Variants in SCART1 observed in about 807,000 individuals in gnomAD.
SCART1 encodes the protein scavenger receptor family member expressed on T cells 1.
In SCART1, 62 loss-of-function variants were observed where a neutral mutation model predicts 36.2. That is an observed-to-expected ratio of 1.71 (90% CI 1.40 to 2.12). The LOEUF (loss-of-function observed/expected upper bound fraction) is 2.12, where lower values mean the gene tolerates loss of function less well. Ranked by LOEUF, SCART1 falls within the 30% of genes most tolerant of loss-of-function variation. The probability of loss-of-function intolerance (pLI) is 0.00; values close to 1 mark genes in which losing one functional copy is unlikely to be tolerated. For synonymous variants in SCART1, 487 were observed against 238.7 expected (o/e 2.04, Z -9.59); for missense variants, 1,041 against 540.5 (o/e 1.93, Z -9.18).
At chr10:133,464,822 A>G in exon 7 of SCART1, 1 of 702,822 alleles carries the variant, frequency 1.4e-6, no homozygotes. Context: ...CTGGGTGGAC[A>G]ACATCGAGTG....
At chr10:133,467,704 T>C (rs1850778665) in intron 11 of SCART1, 143 bp from the exon 12 acceptor site, 1 of 550,030 alleles carries the variant, frequency 1.8e-6, no homozygotes, top group Non-Finnish European at 3.3e-6. Flanking sequence ...CTTGGGGTGC[T>C]TCAATGTCAG....
At position 133,459,140 on chromosome 10, in the gene SCART1, C is replaced by T. The variant is rs770149410; in HGVS notation, c.1099C>T (p.His367Tyr). The change falls in exon 5 of 12, where the codon CAC becomes TAC. Residue 367 changes from histidine to tyrosine, a missense_variant. By Grantham distance (83) the His-to-Tyr change is moderately conservative. Transcript: ENST00000640237. ...CATAGCAGATGCCACCGTCCTCTGC[C>T]ACCAGCTCAACTGTGGCAACGCGGT... 5.1e-5 allele frequency: 36 copies of T among 702,828 alleles called. No homozygotes were observed. In the Admixed American group the frequency reaches 6.8e-4, roughly 13 times the overall value. 43.5% of individuals were successfully genotyped at this position (702,828 alleles called of 1,614,324 possible). A position where few individuals can be genotyped will look rare whatever the true frequency, so the allele number is the denominator to read the frequency against.
exon 4 of SCART1, chr10:133,458,386 G>A (rs777390641): frequency 1.4e-5 from 10 of 702,626 alleles, no homozygotes; most frequent in Middle Eastern, 2.3e-4. Flanking sequence ...ACTGGTGGGC[G>A]GCGAGCACCC....
chr10:133,460,389 A>T (rs1589935093), intron 6 of SCART1, among the ~76,000 whole-genome samples: 1 of 151,188 alleles, frequency 6.6e-6, no homozygotes, highest in Admixed American at 6.6e-5. Context: ...TTCCTGTCGC[A>T]GGTTGGCCCT....
chr10:133,468,738 G>A (rs1394368386), exon 12 of SCART1: 1 of 152,132 alleles, frequency 6.6e-6, no homozygotes, highest in African/African-American at 2.4e-5. Flanking sequence ...TAAGATGATA[G>A]ATGATTGATT....
exon 12 of SCART1, chr10:133,469,149 CAT>C (rs1449177241): frequency 2.0e-5 from 3 of 152,018 alleles, no homozygotes; most frequent in East Asian, 1.9e-4. Flanking sequence ...AACTTTTTTT[CAT>C]ATGTTTGTTG....
chr10:133,464,900 C>G lies in SCART1; in HGVS notation c.2264C>G (p.Pro755Arg), dbSNP rs1168693820. 4.3e-6 allele frequency: 3 copies of G among 702,922 alleles called. No individual in the cohort carries two copies. In the East Asian group the frequency reaches 8.0e-5, roughly 19 times the overall value. The allele number at this position is 702,922 out of a possible 1,614,324, so 43.5% of individuals were successfully genotyped here. A position where few individuals can be genotyped will look rare whatever the true frequency, so the allele number is the denominator to read the frequency against. ...CCCATGGCACCCGCACTCTTGCGAC[C>G]TTCGAGAGCAGGTCTGGATTACCTG... The change falls in exon 7 of 12, where the codon CCT (proline) becomes CGT (arginine). Residue 755 changes from proline to arginine, a missense_variant. Physicochemically the swap from Pro to Arg is moderately radical, Grantham distance 103. Coordinates refer to ENST00000640237, the Ensembl canonical transcript of SCART1.
exon 9 of SCART1, chr10:133,465,286 C>A (rs766155335): frequency 2.6e-5 from 18 of 683,964 alleles, no homozygotes; most frequent in Non-Finnish European, 2.7e-6. Context: ...GGGCGAGGAC[C>A]GCTGCTCCGG....
chr10:133,454,173 TCTCA>T, intron 1 of SCART1, 109 bp downstream of exon 1: 1 of 688,510 alleles, frequency 1.5e-6, no homozygotes, highest in Non-Finnish European at 2.7e-6. Context: ...TCTGCCTGGG[TCTCA>T]CTCAGCCCAG....
intron 7 of SCART1, 94 bp downstream of exon 7, chr10:133,465,005 A>C: frequency 1.4e-6 from 1 of 700,186 alleles, no homozygotes; most frequent in Non-Finnish European, 2.6e-6. Flanking sequence ...AGGGGATGCC[A>C]TTCAATCAGA....
intron 6 of SCART1, among the ~76,000 whole-genome samples, chr10:133,460,982 T>C (rs918346780): frequency 2.0e-5 from 3 of 152,004 alleles, no homozygotes; most frequent in Non-Finnish European, 2.9e-5. Context: ...GCGATCCACC[T>C]GCCTCAGCCT....
chr10:133,460,445 T>C (rs1197713801), intron 6 of SCART1, among the ~76,000 whole-genome samples: 1 of 148,964 alleles, frequency 6.7e-6, no homozygotes, highest in Non-Finnish European at 1.5e-5. Context: ...CCAGCTCAAG[T>C]GCGCTTGAAG....
At chr10:133,467,614 G>A (rs960296599) in intron 11 of SCART1, among the ~76,000 whole-genome samples, 1 of 152,138 alleles carries the variant, frequency 6.6e-6, no homozygotes, top group African/African-American at 2.4e-5. Context: ...TGGGAGCCGC[G>A]GGTCTGGCAG....
chr10:133,465,951 C>G (rs557279637), intron 9 of SCART1: 79 of 670,592 alleles, frequency 1.2e-4, no homozygotes, highest in South Asian at 1.1e-3. Flanking sequence ...CACTCCCATT[C>G]TCTGTGCTCT....
In SCART1 at chr10:133,457,581, G is replaced by A. The variant is rs1361703991; in HGVS notation, c.682+6G>A. The stretch of plus-strand genomic sequence containing the variant: ...CGCAGAGGTGGTCTGCTCAGGTGAG[G>A]CTGCCACCTGATGTTCCCAGTGACC... On this transcript the variant is annotated splice_donor_region_variant and intron_variant, in intron 3 of 11. Coordinates refer to ENST00000640237, the Ensembl canonical transcript of SCART1. 2 of 681,902 alleles carry A rather than the reference G, an allele frequency of 2.9e-6. No homozygotes were observed. The highest frequency in any genetic ancestry group is 5.3e-6 in the Non-Finnish European group (2 of 375,032). 42.2% of individuals were successfully genotyped at this position (681,902 alleles called of 1,614,324 possible). A position where few individuals can be genotyped will look rare whatever the true frequency, so the allele number is the denominator to read the frequency against.
chr10:133,457,019 C>A (rs1335801261), intron 2 of SCART1: 3 of 549,716 alleles, frequency 5.5e-6, no homozygotes, highest in Non-Finnish European at 9.5e-6. Context: ...GCTGAACCAC[C>A]TGGCCAGGAC....
At chr10:133,462,970 A>C (rs1354516711) in intron 6 of SCART1, among the ~76,000 whole-genome samples, 4 of 152,158 alleles carry the variant, frequency 2.6e-5, no homozygotes, top group Non-Finnish European at 5.9e-5. Context: ...TTCTAAGCTT[A>C]TTTTAATTAG....
At chr10:133,458,597 G>T (rs1850651654) in exon 4 of SCART1, 1 of 695,100 alleles carries the variant, frequency 1.4e-6, no homozygotes, top group African/African-American at 1.8e-5. Flanking sequence ...CTGTTCCACT[G>T]CCCACGGGGG....
At chr10:133,455,688 G>A (rs1241541593) in intron 1 of SCART1, among the ~76,000 whole-genome samples, 1 of 152,082 alleles carries the variant, frequency 6.6e-6, no homozygotes, top group Non-Finnish European at 1.5e-5. Flanking sequence ...TCAGAGACCG[G>A]AGGGTGAGAT....
Sources: gnomAD v4.1 joint callset for allele counts (sites outside exome capture counted in the v4.1 genomes callset) on GRCh38, gnomAD v4.1.1 for gene constraint, MANE v1.5 for transcripts, NCBI Gene and HGNC (gene_info 2026-07-23, HGNC 2026-07-21) for gene names.